EPB41L5: variants seen among roughly 807,000 people sequenced by gnomAD.
The protein encoded by EPB41L5 is band 4.1-like protein 5.
EPB41L5 carries 55 observed loss-of-function variants against 106.6 expected under a neutral mutation model. The ratio of observed to expected loss-of-function variants is 0.52; its 90% CI spans 0.42 to 0.65. The LOEUF (loss-of-function observed/expected upper bound fraction) is 0.65, where lower values mean the gene tolerates loss of function less well. Among genes scored for constraint, EPB41L5 ranks in the 30% least tolerant of loss-of-function variants. The pLI is 0.00. For missense variants in EPB41L5, 871 were observed against 882.1 expected (o/e 0.99, Z 0.16); for synonymous variants, 297 against 306.7 (o/e 0.97, Z 0.33).
At chr2:120,174,469 A>G (rs1324318428) in intron 24 of EPB41L5, among the ~76,000 whole-genome samples, 1 of 24,250 alleles carries the variant, frequency 4.1e-5, no homozygotes, top group Non-Finnish European at 1.9e-4. Context: ...CGTCTCACAG[A>G]AAAAAAAAAA....
chr2:120,122,655 G>T (rs1685274863), intron 16 of EPB41L5, among the ~76,000 whole-genome samples: 1 of 152,166 alleles, frequency 6.6e-6, no homozygotes, highest in Non-Finnish European at 1.5e-5. Flanking sequence ...TCTTGGCAAT[G>T]TGGGCTCTTT....
chr2:120,067,168 GAA>G (rs1350084248), intron 3 of EPB41L5, among the ~76,000 whole-genome samples: 4 of 152,192 alleles, frequency 2.6e-5, no homozygotes, highest in Non-Finnish European at 4.4e-5. Flanking sequence ...GAAATCTCAA[GAA>G]AATATTGCAT....
chr2:120,031,939 C>T (rs1000513139), intron 2 of EPB41L5, among the ~76,000 whole-genome samples: 1 of 152,002 alleles, frequency 6.6e-6, no homozygotes, highest in African/African-American at 2.4e-5. Flanking sequence ...AGTTTGAGAC[C>T]AGCCTGTCCA....
intron 24 of EPB41L5, among the ~76,000 whole-genome samples, chr2:120,174,144 G>C (rs1383234433): frequency 6.6e-6 from 1 of 152,130 alleles, no homozygotes; most frequent in African/African-American, 2.4e-5. Context: ...ACACAGACAC[G>C]GCCATGTAGG....
chr2:120,132,012 T>C (rs1243396139), intron 18 of EPB41L5, among the ~76,000 whole-genome samples: 2 of 152,132 alleles, frequency 1.3e-5, no homozygotes, highest in African/African-American at 4.8e-5. Flanking sequence ...GAAGACTTGC[T>C]GAAGCCTTTT....
intron 18 of EPB41L5, among the ~76,000 whole-genome samples, chr2:120,138,943 C>G (rs1287772762): frequency 6.6e-6 from 1 of 151,962 alleles, no homozygotes; most frequent in Non-Finnish European, 1.5e-5. Flanking sequence ...TACTACAGAG[C>G]TATAGTAACC....
Position 120,030,190 on chromosome 2 carries a change from C to T in EPB41L5, c.180+10926C>T, listed in dbSNP as rs543471062. ...AACAAGATTGGTAATAACCATTTCC[C>T]GAAAAGACCCCCTTCTTGCCTGGGG... On this transcript the variant is annotated intron_variant, in intron 2 of 24. Coordinates refer to ENST00000263713, the MANE Select transcript of EPB41L5 (RefSeq NM_020909.4). Among the ~76,000 whole-genome samples, 7 of 152,244 alleles carry T rather than the reference C, an allele frequency of 4.6e-5. No homozygotes were observed. The East Asian group carries it at 1.4e-3, about 29-fold the overall frequency.
Position 120,176,514 on chromosome 2 carries a change from G to A in EPB41L5, c.*1607G>A, listed in dbSNP as rs1264939206. The A allele has an allele frequency of 1.3e-5, 2 of 152,178 alleles. No individual in the cohort carries two copies. Among genetic ancestry groups the A allele is most frequent in the African/African-American group, 4.8e-5 (2 of 41,428 alleles). The allele number at this position is 152,178 out of a possible 1,614,324, so 9.4% of individuals were successfully genotyped here. A position where few individuals can be genotyped will look rare whatever the true frequency, so the allele number is the denominator to read the frequency against. On this transcript the variant is annotated 3_prime_UTR_variant, in exon 25 of 25. Coordinates refer to ENST00000263713, the MANE Select transcript of EPB41L5 (RefSeq NM_020909.4). ...GTTTCCCAGGGAGCTGTAGTGATTG[G>A]AACCCACGTTTGCACAAAACATTTT... is the stretch of plus-strand genomic sequence containing the variant.
Position 120,127,777 on chromosome 2 carries a change from C to T in EPB41L5, c.1427C>T (p.Thr476Ile), listed in dbSNP as rs1049341192. 18 of 1,613,660 alleles carry T rather than the reference C, an allele frequency of 1.1e-5. No homozygotes were observed. The highest frequency in any genetic ancestry group is 1.3e-5 in the African/African-American group (1 of 74,932). ...DVIGASDTME[T>I]SQALNDVNVA... The stretch of plus-strand genomic sequence containing the variant: ...ATTGGGGCATCTGACACTATGGAAA[C>T]ATCCCAAGCACTGAATGACGTTAAT... Residue 476 changes from threonine to isoleucine, a missense_variant, in exon 17 of 25, where the codon ACA (threonine) becomes ATA (isoleucine). Coordinates refer to ENST00000263713, the MANE Select transcript of EPB41L5 (RefSeq NM_020909.4).
intron 4 of EPB41L5, 46 bp downstream of exon 4, chr2:120,073,266 A>G (rs752695376): frequency 1.4e-6 from 2 of 1,437,808 alleles, no homozygotes; most frequent in Admixed American, 2.1e-5. Flanking sequence ...GAAATAGAAT[A>G]TATTAGAAAT....
At chr2:120,125,545 A>C (rs1351523994) in intron 16 of EPB41L5, among the ~76,000 whole-genome samples, 2 of 152,064 alleles carry the variant, frequency 1.3e-5, no homozygotes, top group African/African-American at 4.8e-5. Context: ...GTAATCCCCC[A>C]CCACAGAGTA....
chr2:120,136,593 A>C (rs1685933731), intron 18 of EPB41L5, among the ~76,000 whole-genome samples: 1 of 152,038 alleles, frequency 6.6e-6, no homozygotes, highest in Admixed American at 6.6e-5. Flanking sequence ...AAACCAAAAA[A>C]GAGCAGGTTA....
At chr2:120,142,623 T>C (rs1686225450) in intron 18 of EPB41L5, among the ~76,000 whole-genome samples, 1 of 152,110 alleles carries the variant, frequency 6.6e-6, no homozygotes, top group South Asian at 2.1e-4. Context: ...AGATAGTAAA[T>C]ATTTTAGTCT....
At chr2:120,114,791 C>G (rs969019351) in intron 16 of EPB41L5, among the ~76,000 whole-genome samples, 11 of 151,898 alleles carry the variant, frequency 7.2e-5, no homozygotes, top group Non-Finnish European at 1.6e-4. Context: ...TCTGTGTATG[C>G]CTGTTCAGTC....
intron 10 of EPB41L5, 48 bp from the exon 11 acceptor site, chr2:120,087,123 G>T: frequency 1.7e-6 from 2 of 1,158,726 alleles, no homozygotes; most frequent in South Asian, 1.3e-5. Flanking sequence ...TTCATATTTA[G>T]AGAACATTTG....
chr2:120,115,238 T>G (rs913851757), intron 16 of EPB41L5, among the ~76,000 whole-genome samples: 2 of 152,250 alleles, frequency 1.3e-5, no homozygotes, highest in African/African-American at 4.8e-5. Context: ...TTGGACAGTT[T>G]AACATTTACA....
intron 24 of EPB41L5, among the ~76,000 whole-genome samples, chr2:120,169,445 A>C (rs1025281481): frequency 2.6e-5 from 4 of 152,222 alleles, no homozygotes; most frequent in African/African-American, 9.6e-5. Context: ...AGATCTTTTA[A>C]ACAGCTCACA....
intron 18 of EPB41L5, among the ~76,000 whole-genome samples, chr2:120,134,828 A>C (rs1316858319): frequency 2.6e-5 from 4 of 152,190 alleles, no homozygotes; most frequent in Non-Finnish European, 5.9e-5. Flanking sequence ...ACGGCTTCTT[A>C]AGACAGATGG....
chr2:120,123,820 G>A (rs372629391), intron 16 of EPB41L5, among the ~76,000 whole-genome samples: 6 of 151,654 alleles, frequency 4.0e-5, no homozygotes, highest in Admixed American at 1.3e-4. Context: ...ACCATGCCCC[G>A]CTAATTTTTT....
Sources: allele counts gnomAD v4.1 joint callset (sites outside exome capture counted in the v4.1 genomes callset), GRCh38; gene constraint gnomAD v4.1.1; transcripts MANE v1.5; gene names NCBI Gene and HGNC (gene_info 2026-07-23, HGNC 2026-07-21).